TMEM230: variants seen among roughly 807,000 people sequenced by gnomAD.
TMEM230 encodes UPF0414 transmembrane protein C20orf30.
Under a neutral mutation model 15.8 loss-of-function variants are expected in TMEM230, and 10 were observed. That is an observed-to-expected ratio of 0.63 (90% CI 0.39 to 1.07). The LOEUF (loss-of-function observed/expected upper bound fraction) is 1.07, where lower values mean the gene tolerates loss of function less well. Ranked by LOEUF, TMEM230 falls within the 50% of genes least tolerant of loss-of-function variation. TMEM230 has a pLI of 0.01. For missense variants in TMEM230, 165 were observed against 193.3 expected (o/e 0.85, Z 0.87); for synonymous variants, 67 against 76.9 (o/e 0.87, Z 0.68).
chr20:5,062,231 G>T, the TMEM230 span, among the ~76,000 whole-genome samples: 1 of 139,596 alleles, frequency 7.2e-6, no homozygotes, highest in African/African-American at 2.6e-5. Context: ...TCAAAAAAAA[G>T]AAAAAAAAAA....
intron 3 of TMEM230, among the ~76,000 whole-genome samples, chr20:5,071,347 G>A (rs112315126): frequency 0.047 from 7,172 of 152,110 alleles, 506 homozygotes; most frequent in African/African-American, 0.16. Context: ...AGATTTGGCC[G>A]GGCATGGTGG....
chr20:5,086,280 G>A (rs1600315061), intron 3 of TMEM230, among the ~76,000 whole-genome samples: 1 of 149,618 alleles, frequency 6.7e-6, no homozygotes, highest in African/African-American at 2.5e-5. Flanking sequence ...GCTCACGCCT[G>A]TAATCCCAGC....
intron 3 of TMEM230, among the ~76,000 whole-genome samples, chr20:5,107,158 C>T (rs1232009007): frequency 2.0e-5 from 3 of 152,078 alleles, no homozygotes; most frequent in Admixed American, 6.5e-5. Flanking sequence ...AAAAATTAGC[C>T]GGGCGTGGTG....
chr20:5,080,887 C>T (rs2089157888), intron 3 of TMEM230, among the ~76,000 whole-genome samples: 1 of 152,200 alleles, frequency 6.6e-6, no homozygotes, highest in Non-Finnish European at 1.5e-5. Flanking sequence ...ACACTCTATA[C>T]CAGGTTACAC....
intron 3 of TMEM230, among the ~76,000 whole-genome samples, chr20:5,073,637 G>A (rs2088897973): frequency 6.6e-6 from 1 of 152,242 alleles, no homozygotes. Flanking sequence ...TAAGGCTTGG[G>A]TAGTGGGAGT....
rs1200053876 is a variant in TMEM230, at chr20:5,109,376, A to G, written c.244T>C (p.Tyr82His). The stretch of plus-strand genomic sequence containing the variant: ...TCGTCTGTGCTGGAGAGCCTTGAAT[A>G]TTTCACTTTACTACTGGGGATTCCA... Residue 82 changes from tyrosine (Y) to histidine (H), a missense_variant, in exon 3 of 5, where the codon TAT (tyrosine) becomes CAT (histidine). Physicochemically the swap from Tyr to His is moderately conservative, Grantham distance 83. Coordinates refer to ENST00000342308, the MANE Select transcript of TMEM230 (RefSeq NM_001009923.2). 2 of 1,613,508 alleles carry G rather than the reference A, an allele frequency of 1.2e-6. No individual in the cohort carries two copies. Among genetic ancestry groups the G allele is most frequent in the Admixed American group, 1.7e-5 (1 of 59,982 alleles).
intron 3 of TMEM230, among the ~76,000 whole-genome samples, chr20:5,082,020 C>G (rs1214181667): frequency 6.6e-6 from 1 of 151,134 alleles, no homozygotes; most frequent in Non-Finnish European, 1.5e-5. Context: ...ATTACAGGCA[C>G]CCACCACCAC....
chr20:5,074,257 A>G (rs892657906), intron 3 of TMEM230, among the ~76,000 whole-genome samples: 2 of 152,214 alleles, frequency 1.3e-5, no homozygotes, highest in African/African-American at 4.8e-5. Flanking sequence ...AAAGCAGAAC[A>G]TAAATTTCCA....
At chr20:5,094,344 A>G (rs762897335) in intron 3 of TMEM230, among the ~76,000 whole-genome samples, 2 of 151,792 alleles carry the variant, frequency 1.3e-5, no homozygotes, top group Admixed American at 6.6e-5. Context: ...CCTGGGCTCA[A>G]CTGATCCCAT....
At position 5,106,119 on chromosome 20, in the gene TMEM230, ACG is replaced by A. The variant is rs1555775157; in HGVS notation, c.411+67_411+68del. The A allele has an allele frequency of 3.5e-4, 534 of 1,534,490 alleles. No individual in the cohort carries two copies. In the African/African-American group the frequency reaches 6.0e-3, roughly 17 times the overall value. The stretch of plus-strand genomic sequence containing the variant: ...CACACACACACACACACACACACAC[ACG>A]CACACTAGAGCCTTGGCTAACATTT... On this transcript the variant is annotated intron_variant, in intron 4 of 4. Transcript: ENST00000342308.
At chr20:5,070,543 A>G (rs1356710141) in intron 3 of TMEM230, among the ~76,000 whole-genome samples, 2 of 152,216 alleles carry the variant, frequency 1.3e-5, no homozygotes, top group Non-Finnish European at 2.9e-5. Context: ...CTTACTGGTG[A>G]GAAAGCACTG....
downstream of TMEM230, among the ~76,000 whole-genome samples, chr20:5,096,425 T>C (rs751628920): frequency 2.6e-5 from 4 of 152,202 alleles, no homozygotes; most frequent in Non-Finnish European, 4.4e-5. Context: ...CAGGAGCCTA[T>C]GGGACTGAAT....
intron 4 of TMEM230, 33 bp from the exon 4 acceptor site, chr20:5,100,964 C>T (rs745802692): frequency 2.5e-6 from 4 of 1,611,194 alleles, no homozygotes; most frequent in Non-Finnish European, 3.4e-6. Flanking sequence ...ACATTAGTAC[C>T]GTAAGAGTTA....
intron 4 of TMEM230, 124 bp downstream of exon 3, chr20:5,106,064 C>T (rs2090066103): frequency 7.2e-7 from 1 of 1,396,700 alleles, no homozygotes; most frequent in Non-Finnish European, 9.4e-7. Flanking sequence ...AAAAACAGAC[C>T]ACTGGGACGG....
intron 3 of TMEM230, among the ~76,000 whole-genome samples, chr20:5,092,417 A>T (rs1196014660): frequency 6.6e-6 from 1 of 152,060 alleles, no homozygotes; most frequent in African/African-American, 2.4e-5. Context: ...AATGTAATAC[A>T]CACGTTAAGA....
chr20:5,109,134 A>C (rs1013140050), intron 3 of TMEM230, 198 bp downstream of exon 2: 3 of 492,600 alleles, frequency 6.1e-6, no homozygotes, highest in African/African-American at 5.9e-5. Context: ...GAAATGGACA[A>C]TACTGGAATT....
At chr20:5,090,910 C>T (rs927616406) in intron 3 of TMEM230, among the ~76,000 whole-genome samples, 2 of 152,108 alleles carry the variant, frequency 1.3e-5, no homozygotes, top group African/African-American at 2.4e-5. Flanking sequence ...AAAGTTAATA[C>T]TAAAATATTC....
chr20:5,111,607 TAAAAAAAAAAAAA>T lies in TMEM230; in HGVS notation c.69-15_69-3del, dbSNP rs758119588. The T allele has an allele frequency of 0.015, 876 of 58,772 alleles. 9 individuals carry two copies. The highest frequency in any genetic ancestry group is 0.088 in the East Asian group (56 of 638). The allele number at this position is 58,772 out of a possible 1,614,324, so 3.6% of individuals were successfully genotyped here. A position where few individuals can be genotyped will look rare whatever the true frequency, so the allele number is the denominator to read the frequency against. ...CTGGGCGACAGAACTAGACTCCATC[TAAAAAAAAAAAAA>T]AAAAAAAAAAAAAAAAAAAAAAAAA... is the stretch of plus-strand genomic sequence containing the variant. On this transcript the variant is annotated splice_region_variant and splice_polypyrimidine_tract_variant and intron_variant, in intron 1 of 4. Coordinates refer to ENST00000342308, the MANE Select transcript of TMEM230 (RefSeq NM_001009923.2).
chr20:5,088,263 C>T (rs1335934979), intron 3 of TMEM230, among the ~76,000 whole-genome samples: 5 of 142,468 alleles, frequency 3.5e-5, no homozygotes, highest in Non-Finnish European at 6.0e-5. Context: ...GAGCCGAGGT[C>T]GTGCCACTGT....
Sources: allele counts gnomAD v4.1 joint callset (sites outside exome capture counted in the v4.1 genomes callset), GRCh38; gene constraint gnomAD v4.1.1; transcripts MANE v1.5; gene names NCBI Gene and HGNC (gene_info 2026-07-23, HGNC 2026-07-21).